CLK4: variants seen among roughly 807,000 people sequenced by gnomAD.
The protein encoded by CLK4 is dual specificity protein kinase CLK4.
Under a neutral mutation model 64.4 loss-of-function variants are expected in CLK4, and 37 were observed. The observed-to-expected ratio is 0.57, with a 90% CI of 0.44 to 0.76. CLK4 has a LOEUF of 0.76. Ranked by LOEUF, CLK4 falls within the 30% of genes least tolerant of loss-of-function variation. The pLI is 0.00. For missense variants in CLK4, 457 were observed against 605.1 expected, an observed-to-expected ratio of 0.76 and a Z score of 2.57; for synonymous variants, 175 against 191.6, an observed-to-expected ratio of 0.91 and a Z score of 0.72.
intron 1 of CLK4, among the ~76,000 whole-genome samples, chr5:178,625,612 G>A (rs956951579): frequency 2.6e-5 from 4 of 152,006 alleles, no homozygotes; most frequent in Non-Finnish European, 5.9e-5. Context: ...TTACTATGAA[G>A]TTTTTTTCAA....
chr5:178,618,687 C>T lies in CLK4; in HGVS notation c.253G>A (p.Val85Ile), dbSNP rs200061340. The T allele has an allele frequency of 4.3e-6, 7 of 1,613,946 alleles. No individual in the cohort carries two copies. The highest frequency in any genetic ancestry group is 4.2e-6 in the Non-Finnish European group (5 of 1,179,878). The change falls in exon 3 of 13, where the codon GTT becomes ATT. Residue 85 changes from valine to isoleucine, a missense_variant. By Grantham distance (29) the Val-to-Ile change is conservative. Transcript: ENST00000316308. ...EYRNDYCEGY[V>I]PRHYHRDIES... Reference sequence around the variant, plus strand: ...ATGTCTCTGTGATAATGTCTAGGAACATATCCTTCACAGTAGTCATTCCTG... The same window carrying T: ...ATGTCTCTGTGATAATGTCTAGGAATATATCCTTCACAGTAGTCATTCCTG...
At chr5:178,605,684 C>G in intron 10 of CLK4, 1 of 200,946 alleles carries the variant, frequency 5.0e-6, no homozygotes, top group East Asian at 1.1e-4. Context: ...ACATGAATTT[C>G]AAAAAGGTTA....
In CLK4 at chr5:178,602,863, C is replaced by T. The variant is rs1030867052; in HGVS notation, c.*754G>A. The T allele has an allele frequency of 3.9e-5, 6 of 152,178 alleles. No individual in the cohort carries two copies. Among genetic ancestry groups the T allele is most frequent in the East Asian group, 1.9e-4 (1 of 5,200 alleles). The allele number at this position is 152,178 out of a possible 1,614,324, so 9.4% of individuals were successfully genotyped here. A position where few individuals can be genotyped will look rare whatever the true frequency, so the allele number is the denominator to read the frequency against. Reference sequence around the variant, plus strand: ...AAACAGATGCTGGCCAATGTTAAGACTCCTAAGGACTTGGTATTAAAAACT... The same window carrying T: ...AAACAGATGCTGGCCAATGTTAAGATTCCTAAGGACTTGGTATTAAAAACT... On this transcript the variant is annotated 3_prime_UTR_variant, in exon 13 of 13. Transcript: ENST00000316308.
intron 8 of CLK4, 33 bp from the exon 9 acceptor site, chr5:178,612,578 CAATA>C: frequency 6.2e-7 from 1 of 1,605,008 alleles, no homozygotes; most frequent in South Asian, 1.1e-5. Context: ...ACATGAAACT[CAATA>C]GATACATTTT....
chr5:178,611,299 T>C (rs1764553541), intron 9 of CLK4, among the ~76,000 whole-genome samples: 1 of 152,166 alleles, frequency 6.6e-6, no homozygotes, highest in Non-Finnish European at 1.5e-5. Flanking sequence ...CCTTACACAG[T>C]AGCTCCTTTC....
intron 9 of CLK4, 90 bp from the exon 10 acceptor site, chr5:178,608,548 C>G (rs1764498940): frequency 1.1e-6 from 1 of 881,320 alleles, no homozygotes; most frequent in African/African-American, 1.7e-5. Context: ...GCTCCCTTTA[C>G]AGAACCCATT....
At chr5:178,625,996 T>C (rs1422142618) in intron 1 of CLK4, among the ~76,000 whole-genome samples, 1 of 152,178 alleles carries the variant, frequency 6.6e-6, no homozygotes, top group Non-Finnish European at 1.5e-5. Flanking sequence ...GTAGGTATCT[T>C]TCAAAAAATA....
At chr5:178,626,072 A>G (rs1764775499) in intron 1 of CLK4, among the ~76,000 whole-genome samples, 1 of 152,202 alleles carries the variant, frequency 6.6e-6, no homozygotes, top group African/African-American at 2.4e-5. Context: ...GTTCTTGACA[A>G]CTTTACGCTA....
chr5:178,618,884 A>G, intron 2 of CLK4, 106 bp from the exon 3 acceptor site: 1 of 752,986 alleles, frequency 1.3e-6, no homozygotes, highest in African/African-American at 1.8e-5. Flanking sequence ...TCAATATAAG[A>G]AAAAAATTCA....
intron 2 of CLK4, chr5:178,623,029 T>C: frequency 2.1e-6 from 1 of 485,622 alleles, no homozygotes; most frequent in Non-Finnish European, 3.6e-6. Context: ...ACTGATCAAC[T>C]GTCTCCTACC....
intron 10 of CLK4, among the ~76,000 whole-genome samples, chr5:178,607,245 T>C (rs1358494481): frequency 6.6e-6 from 1 of 152,024 alleles, no homozygotes; most frequent in Admixed American, 6.5e-5. Flanking sequence ...ATCAAACCAA[T>C]ACCTTGCGAA....
chr5:178,612,210 C>T (rs1395667320), intron 9 of CLK4, among the ~76,000 whole-genome samples: 1 of 152,166 alleles, frequency 6.6e-6, no homozygotes, highest in African/African-American at 2.4e-5. Flanking sequence ...AAATAACCAC[C>T]ACCTGGAATA....
At chr5:178,606,939 GAC>G (rs1409156919) in intron 10 of CLK4, among the ~76,000 whole-genome samples, 1 of 150,286 alleles carries the variant, frequency 6.7e-6, no homozygotes, top group Non-Finnish European at 1.5e-5. Context: ...CAGCCTGGGT[GAC>G]ACAGTGAGAC....
At chr5:178,613,444 A>G in intron 7 of CLK4, 29 bp downstream of exon 7, 1 of 1,328,994 alleles carries the variant, frequency 7.5e-7, no homozygotes, top group Non-Finnish European at 9.8e-7. Flanking sequence ...ATAAATAAAT[A>G]AAAATAAAGA....
intron 11 of CLK4, 60 bp downstream of exon 11, chr5:178,605,243 T>C: frequency 9.6e-7 from 1 of 1,046,108 alleles, no homozygotes; most frequent in East Asian, 2.8e-5. Context: ...TTGGGTTTTC[T>C]GTAGTTTGAA....
At chr5:178,624,093 C>A (rs1231900979) in intron 1 of CLK4, among the ~76,000 whole-genome samples, 5 of 152,162 alleles carry the variant, frequency 3.3e-5, no homozygotes, top group African/African-American at 1.2e-4. Flanking sequence ...CTCCATAGTT[C>A]TTTTCTCTAA....
At chr5:178,621,722 C>A (rs1425010398) in intron 2 of CLK4, 1 of 152,052 alleles carries the variant, frequency 6.6e-6, no homozygotes, top group African/African-American at 2.4e-5. Flanking sequence ...AAATATGAAC[C>A]TGTAGCAAGA....
At chr5:178,616,297 C>T (rs1455565748) in intron 5 of CLK4, among the ~76,000 whole-genome samples, 46 of 152,080 alleles carry the variant, frequency 3.0e-4, no homozygotes, top group Admixed American at 3.0e-3. Context: ...TGTATTTCTC[C>T]ATGTTGGTCA....
chr5:178,615,157 C>A (rs1321829113), intron 5 of CLK4, among the ~76,000 whole-genome samples: 1 of 151,976 alleles, frequency 6.6e-6, no homozygotes, highest in Admixed American at 6.6e-5. Context: ...TCCACACCAG[C>A]CAGAGCAACA....
Sources: gnomAD v4.1 joint callset for allele counts (sites outside exome capture counted in the v4.1 genomes callset) on GRCh38, gnomAD v4.1.1 for gene constraint, MANE v1.5 for transcripts, NCBI Gene and HGNC (gene_info 2026-07-23, HGNC 2026-07-21) for gene names.